CD109: variants seen among roughly 807,000 people sequenced by gnomAD.
CD109 encodes the protein CD109 molecule.
In CD109, 149 loss-of-function variants were observed where a neutral mutation model predicts 165.8. The ratio of observed to expected loss-of-function variants is 0.90; its 90% CI spans 0.79 to 1.03. The LOEUF (loss-of-function observed/expected upper bound fraction) is 1.03. Ranked by LOEUF, CD109 falls within the 50% of genes least tolerant of loss-of-function variation. The probability of loss-of-function intolerance (pLI) is 0.00; values close to 1 mark genes in which losing one functional copy is unlikely to be tolerated. For synonymous variants in CD109, 585 were observed against 592.1 expected (o/e 0.99, Z 0.18); for missense variants, 1,712 against 1,677.8 (o/e 1.02, Z -0.36).
intron 5 of CD109, among the ~76,000 whole-genome samples, chr6:73,745,257 C>T (rs1009333383): frequency 1.3e-5 from 2 of 152,036 alleles, no homozygotes; most frequent in East Asian, 1.9e-4. Context: ...CATGTGCCAC[C>T]ATGGGCCTGG....
At chr6:73,803,781 T>A (rs770267350) in intron 24 of CD109, among the ~76,000 whole-genome samples, 3 of 152,172 alleles carry the variant, frequency 2.0e-5, no homozygotes, top group Admixed American at 6.5e-5. Context: ...TCTATGTGGC[T>A]GATTTTGGAT....
intron 11 of CD109, 150 bp downstream of exon 11, chr6:73,766,304 T>C (rs1229655532): frequency 1.5e-6 from 1 of 675,340 alleles, no homozygotes; most frequent in Non-Finnish European, 2.5e-6. Context: ...GTAAAAGTAA[T>C]TTAATGACAG....
At chr6:73,789,257 C>T (rs745631209) in intron 22 of CD109, among the ~76,000 whole-genome samples, 1 of 152,158 alleles carries the variant, frequency 6.6e-6, no homozygotes, top group Non-Finnish European at 1.5e-5. Context: ...TCGGTCGCCT[C>T]TCCTAGTTAC....
chr6:73,767,274 T>C lies in CD109; in HGVS notation c.1497+264T>C, dbSNP rs867910654. 3.3e-5 allele frequency among the ~76,000 whole-genome samples: 5 copies of C among 152,330 alleles called. No individual in the cohort carries two copies. In the Middle Eastern group the frequency reaches 0.01, roughly 311 times the overall value. On this transcript the variant is annotated intron_variant, in intron 13 of 32. Transcript: ENST00000287097. ...TCTATGTGTCCATGTGTTCTCATCA[T>C]TTAGTGTGCACTTATAAGTGAGAAT...
At chr6:73,797,425 T>G (rs1201271104) in intron 23 of CD109, among the ~76,000 whole-genome samples, 1 of 152,120 alleles carries the variant, frequency 6.6e-6, no homozygotes, top group Non-Finnish European at 1.5e-5. Flanking sequence ...GAAATAAAAA[T>G]AAGAGAAAGA....
chr6:73,693,239 T>TC (rs1254923418), upstream of CD109, among the ~76,000 whole-genome samples: 1 of 152,108 alleles, frequency 6.6e-6, no homozygotes, highest in Non-Finnish European at 1.5e-5. Flanking sequence ...GGTGAGGTCC[T>TC]CAGGCTGCTT....
intron 23 of CD109, among the ~76,000 whole-genome samples, chr6:73,797,628 G>A (rs1250037079): frequency 3.3e-5 from 5 of 152,118 alleles, no homozygotes; most frequent in African/African-American, 7.2e-5. Flanking sequence ...ACAAATAGCC[G>A]ACTTTACTTC....
At chr6:73,732,443 T>C (rs1360516954) in intron 4 of CD109, among the ~76,000 whole-genome samples, 1 of 152,200 alleles carries the variant, frequency 6.6e-6, no homozygotes, top group Admixed American at 6.5e-5. Flanking sequence ...TAATGGAATG[T>C]TTATAAAGCA....
intron 5 of CD109, among the ~76,000 whole-genome samples, chr6:73,740,446 A>G (rs1772727587): frequency 6.6e-6 from 1 of 152,176 alleles, no homozygotes; most frequent in Admixed American, 6.5e-5. Context: ...GTAAGAGTGA[A>G]TAAGTCCTTT....
chr6:73,805,485 C>T (rs572976588), intron 24 of CD109, among the ~76,000 whole-genome samples: 1 of 152,266 alleles, frequency 6.6e-6, no homozygotes, highest in African/African-American at 2.4e-5. Context: ...TGCCCAGGGA[C>T]GGGCAGGAGA....
At position 73,783,768 on chromosome 6, in the gene CD109, A is replaced by T. The variant is rs1209181746; in HGVS notation, c.2167A>T (p.Thr723Ser). Reference sequence around the variant, plus strand: ...TGATTCTATCACTTCTTGGGTGGCTACTGGTTTTGTGATCTCTGAGGACCT... The same window carrying T: ...TGATTCTATCACTTCTTGGGTGGCTTCTGGTTTTGTGATCTCTGAGGACCT... ...VPDSITSWVA[T>S]GFVISEDLGL... The change falls in exon 19 of 33, where the codon ACT becomes TCT. Residue 723 changes from threonine (T) to serine (S), a missense_variant. Physicochemically the swap from Thr to Ser is moderately conservative, Grantham distance 58. Transcript: ENST00000287097. The T allele has an allele frequency of 6.2e-7, 1 of 1,613,404 alleles. No homozygotes were observed. The highest frequency in any genetic ancestry group is 8.5e-7 in the Non-Finnish European group (1 of 1,179,548).
In CD109 at chr6:73,780,455, G is replaced by A; in HGVS notation, c.1859G>A (p.Gly620Glu). Residue 620 changes from glycine to glutamate, a missense_variant, in exon 16 of 33, where the codon GGA becomes GAA. Physicochemically the swap from Gly to Glu is moderately conservative, Grantham distance 98. Transcript: ENST00000287097. The stretch of plus-strand genomic sequence containing the variant: ...CATGAGTTGGAACTTTATAACACAG[G>A]ATATTATTTAGGCATGTTCATGAAT... Reference protein sequence around the residue: ...VVHELELYNTGYYLGMFMNSF... With the variant: ...VVHELELYNTEYYLGMFMNSF... 1 of 1,608,534 alleles carries A rather than the reference G, an allele frequency of 6.2e-7. No individual in the cohort carries two copies. The highest frequency in any genetic ancestry group is 2.2e-5 in the East Asian group (1 of 44,646).
rs147928290 is a variant in CD109 at position 73,723,269 on chromosome 6, C to T, written c.266C>T (p.Thr89Ile). ...VFEKGSFKTL[T>I]LPSLPLNSAD... Reference sequence around the variant, plus strand: ...CTTGTAGGCTCTTTTAAGACACTTACTCTTCCATCAGTAAGTATCCATTTA... The same window carrying T: ...CTTGTAGGCTCTTTTAAGACACTTATTCTTCCATCAGTAAGTATCCATTTA... The change falls in exon 3 of 33, where the codon ACT becomes ATT. Residue 89 changes from threonine to isoleucine, a missense_variant. Transcript: ENST00000287097. The T allele has an allele frequency of 4.3e-6, 7 of 1,612,238 alleles. No homozygotes were observed. The highest frequency in any genetic ancestry group is 2.7e-5 in the African/African-American group (2 of 74,862).
chr6:73,823,654 T>C lies in CD109; in HGVS notation c.*21T>C, dbSNP rs1013930902. 2.4e-5 allele frequency: 38 copies of C among 1,579,952 alleles called. No homozygotes were observed. The highest frequency in any genetic ancestry group is 3.1e-5 in the Non-Finnish European group (36 of 1,155,366). On this transcript the variant is annotated 3_prime_UTR_variant, in exon 33 of 33. Coordinates refer to ENST00000287097, the MANE Select transcript of CD109 (RefSeq NM_133493.5). ...TGTGATTTATTTTTAAAGGACTCTGTGTAACACTAACATTTCCAGTAGTCA... is the reference window on the plus strand; with the variant it reads ...TGTGATTTATTTTTAAAGGACTCTGCGTAACACTAACATTTCCAGTAGTCA...
In CD109 at chr6:73,766,052, G is replaced by GA; in HGVS notation, c.1234dup (p.Met412AsnfsTer18). ...GGAGCGGATCTAACAGTGGAAATCA[G>GA]AAAATGGAAGCTGTTCAGAAAATAA... On this transcript the variant is annotated frameshift_variant, in exon 11 of 33. Transcript: ENST00000287097. LOFTEE classifies it high-confidence loss of function. 6.2e-7 allele frequency: 1 copy of GA among 1,613,996 alleles called. No individual in the cohort carries two copies. Among genetic ancestry groups the GA allele is most frequent in the Non-Finnish European group, 8.5e-7 (1 of 1,179,918 alleles).
chr6:73,717,713 G>A (rs61840520), intron 2 of CD109, among the ~76,000 whole-genome samples: 49,000 of 143,960 alleles, frequency 0.34, 9,620 homozygotes, highest in Non-Finnish European at 0.45. Context: ...TCCGCCTCCC[G>A]GGTTCAGGGC....
At chr6:73,685,091 A>G in the CD109 span, among the ~76,000 whole-genome samples, 1 of 151,434 alleles carries the variant, frequency 6.6e-6, no homozygotes, top group African/African-American at 2.4e-5. Flanking sequence ...TTTAGTGGAG[A>G]CGGGGTTTCA....
At chr6:73,689,480 C>G in the CD109 span, among the ~76,000 whole-genome samples, 1 of 152,152 alleles carries the variant, frequency 6.6e-6, no homozygotes, top group Admixed American at 6.6e-5. Context: ...AGAAGCTCTT[C>G]TATGCATTTT....
At chr6:73,706,264 G>A (rs1183018945) in intron 2 of CD109, among the ~76,000 whole-genome samples, 2 of 152,186 alleles carry the variant, frequency 1.3e-5, no homozygotes, top group African/African-American at 4.8e-5. Context: ...AGACCAGAAT[G>A]AGAAACACAG....
Sources: gnomAD v4.1 joint callset for allele counts (sites outside exome capture counted in the v4.1 genomes callset) on GRCh38, gnomAD v4.1.1 for gene constraint, MANE v1.5 for transcripts, NCBI Gene and HGNC (gene_info 2026-07-23, HGNC 2026-07-21) for gene names.